Variants in SPTB observed in about 807,000 individuals in gnomAD.
SPTB encodes the protein spectrin beta, erythrocytic, also known as spectrin beta chain, erythrocytic.
In SPTB, 45 loss-of-function variants were observed where a neutral mutation model predicts 256.2. The ratio of observed to expected loss-of-function variants is 0.18; its 90% CI spans 0.14 to 0.23. SPTB has a LOEUF of 0.23. Ranked by LOEUF, SPTB falls within the 10% of genes least tolerant of loss-of-function variation. SPTB has a pLI of 1.00. For synonymous variants in SPTB, 1,231 were observed against 1,243.1 expected (o/e 0.99, Z 0.21); for missense variants, 2,715 against 3,040.4 (o/e 0.89, Z 2.52).
chr14:64,836,355 CAT>C (rs2083521914), intron 1 of SPTB, among the ~76,000 whole-genome samples: 1 of 152,140 alleles, frequency 6.6e-6, no homozygotes, highest in African/African-American at 2.4e-5. Context: ...CCACCTAACA[CAT>C]AAAGCTGCTG....
rs1031447749 is a variant in SPTB, at chr14:64,749,058, A to G, written c.*248T>C. On this transcript the variant is annotated 3_prime_UTR_variant, in exon 36 of 36. Coordinates refer to ENST00000644917, the MANE Select transcript of SPTB (RefSeq NM_001355436.2). This position sits in a 1 kb window ranked among gnomAD's most constrained non-coding sequence, Gnocchi z 4.7. Reference sequence around the variant, plus strand: ...TCCTGCCCCCAGGCCTGGAGGCCCCAAAGGCGCCAGAGGAGCTGGGAGCCC... The same window carrying G: ...TCCTGCCCCCAGGCCTGGAGGCCCCGAAGGCGCCAGAGGAGCTGGGAGCCC... 2 of 422,504 alleles carry G rather than the reference A, an allele frequency of 4.7e-6. No homozygotes were observed. Among genetic ancestry groups the G allele is most frequent in the Non-Finnish European group, 8.5e-6 (2 of 235,792 alleles). The allele number at this position is 422,504 out of a possible 1,614,324, so 26.2% of individuals were successfully genotyped here.
intron 1 of SPTB, among the ~76,000 whole-genome samples, chr14:64,876,912 A>G (rs1004233454): frequency 6.6e-6 from 1 of 152,190 alleles, no homozygotes; most frequent in Non-Finnish European, 1.5e-5. Flanking sequence ...CTCGAGTAAT[A>G]AGAAGTGTGG....
At chr14:64,773,849 T>C (rs1318496614) in intron 24 of SPTB, among the ~76,000 whole-genome samples, 1 of 152,120 alleles carries the variant, frequency 6.6e-6, no homozygotes, top group Non-Finnish European at 1.5e-5. Flanking sequence ...GGGAAACCTC[T>C]GGGGTGGCTG....
Position 64,749,238 on chromosome 14 carries a change from G to C in SPTB, c.*68C>G. 1 of 1,520,452 alleles carries C rather than the reference G, an allele frequency of 6.6e-7. No homozygotes were observed. Among genetic ancestry groups the C allele is most frequent in the Admixed American group, 2.0e-5 (1 of 50,832 alleles). 94.2% of individuals were successfully genotyped at this position (1,520,452 alleles called of 1,614,324 possible). ...ATTCGACCGGCGGGCGGCGGCGAGA[G>C]GAGGCCAAGGCCTGGGCTGCCCGGT... On this transcript the variant is annotated 3_prime_UTR_variant, in exon 36 of 36. Coordinates refer to ENST00000644917, the MANE Select transcript of SPTB (RefSeq NM_001355436.2). This position sits in a 1 kb window ranked among gnomAD's most constrained non-coding sequence, Gnocchi z 4.7.
rs531418741 is a variant in SPTB, at chr14:64,783,523, T to C, written c.4002+724A>G. Among the ~76,000 whole-genome samples the C allele has an allele frequency of 1.4e-4, 22 of 152,268 alleles. No homozygotes were observed. The South Asian group carries it at 4.6e-3, about 32-fold the overall frequency. On this transcript the variant is annotated intron_variant, in intron 19 of 35. Transcript: ENST00000644917. ...GGCCTAATAGTTAATATTTATTGAGTGTCTCATAATTGCCAAGTACTATGC... is the reference window on the plus strand; with the variant it reads ...GGCCTAATAGTTAATATTTATTGAGCGTCTCATAATTGCCAAGTACTATGC...
chr14:64,754,119 G>C (rs2081989880), intron 32 of SPTB: 1 of 449,266 alleles, frequency 2.2e-6, no homozygotes, highest in Non-Finnish European at 4.1e-6. Flanking sequence ...TTTCATTAAA[G>C]GGGTGTGAGG....
rs369224543 is a variant in SPTB, at chr14:64,793,505, C to T, written c.2158G>A (p.Glu720Lys). 4.3e-6 allele frequency: 7 copies of T among 1,614,058 alleles called. No individual in the cohort carries two copies. The African/African-American group carries it at 9.3e-5, about 22-fold the overall frequency. ...AGCTGGTCCCACTGTGCCGACACCT[C>T]CTTTATGCGGGCCTCGATCTGCGGG... ...GHPQIEARIK[E>K]VSAQWDQLKD... Residue 720 changes from glutamate to lysine, a missense_variant, in exon 14 of 36, where the codon GAG becomes AAG. Around this residue, in one of 4 missense-constraint regions of SPTB, gnomAD observed 2,239 missense variants for 2,384.4 expected, o/e 0.94. Coordinates refer to ENST00000644917, the MANE Select transcript of SPTB (RefSeq NM_001355436.2). The surrounding 1 kb of genome is among the most constrained non-coding windows in gnomAD (Gnocchi z 7.0).
At chr14:64,822,236 A>G (rs1358928137) in intron 2 of SPTB, among the ~76,000 whole-genome samples, 1 of 144,622 alleles carries the variant, frequency 6.9e-6, no homozygotes, top group African/African-American at 2.7e-5. Flanking sequence ...AAGTTCAGGG[A>G]GGCAATAGTC....
At position 64,795,464 on chromosome 14, in the gene SPTB, A is replaced by G. The variant is rs377621722; in HGVS notation, c.1517T>C (p.Ile506Thr). Residue 506 changes from isoleucine (I) to threonine (T), a missense_variant, in exon 12 of 36, where the codon ATA (isoleucine) becomes ACA (threonine). Transcript: ENST00000644917. This position sits in a 1 kb window ranked among gnomAD's most constrained non-coding sequence, Gnocchi z 6.5. ...CTGCAGGTAGCTCCATAGGCGCAGT[A>G]TATTGTCCTTGCGGGCCGTGATGCG... ...QKRITARKDN[I>T]LRLWSYLQEL... The G allele has an allele frequency of 4.3e-6, 7 of 1,614,026 alleles. No homozygotes were observed. The highest frequency in any genetic ancestry group is 5.1e-6 in the Non-Finnish European group (6 of 1,180,028).
At chr14:64,765,017 A>AGTGTGTGCGTGTGTGTGT (rs2082145147) in intron 32 of SPTB, among the ~76,000 whole-genome samples, 2 of 108,822 alleles carry the variant, frequency 1.8e-5, no homozygotes, top group Non-Finnish European at 3.5e-5. Context: ...GCCACAGAGG[A>AGTGTGTGCGTGTGTGTGT]GTGTGTGCGT....
At chr14:64,878,146 C>T (rs1882916616) in intron 1 of SPTB, among the ~76,000 whole-genome samples, 1 of 152,216 alleles carries the variant, frequency 6.6e-6, no homozygotes, top group Non-Finnish European at 1.5e-5. Flanking sequence ...AGAGCAACAG[C>T]TAAGGGGTCT....
intron 27 of SPTB, among the ~76,000 whole-genome samples, chr14:64,770,508 G>C (rs1183100802): frequency 6.6e-6 from 1 of 152,182 alleles, no homozygotes; most frequent in East Asian, 1.9e-4. Flanking sequence ...CTGAGTTTTG[G>C]GGGAAGGGCC....
Position 64,782,453 on chromosome 14 carries a change from G to A in SPTB, c.4103C>T (p.Thr1368Ile). Residue 1368 changes from threonine to isoleucine, a missense_variant, in exon 20 of 36, where the codon ACA (threonine) becomes ATA (isoleucine). This residue lies in a region of SPTB where 2,239 missense variants were observed against 2,384.4 expected (regional missense o/e 0.94). Coordinates refer to ENST00000644917, the MANE Select transcript of SPTB (RefSeq NM_001355436.2). ...HRLWDELQAT[T>I]KEKTQHLSAA... ...CGAGAGGTGCTGGGTCTTCTCCTTT[G>A]TGGTGGCCTGCAGCTCGTCCCAGAG... 2.5e-6 allele frequency: 4 copies of A among 1,614,138 alleles called. No individual in the cohort carries two copies. Among genetic ancestry groups the A allele is most frequent in the Non-Finnish European group, 3.4e-6 (4 of 1,180,038 alleles).
At chr14:64,794,862 G>A (rs767287000) in intron 12 of SPTB, among the ~76,000 whole-genome samples, 26 of 152,182 alleles carry the variant, frequency 1.7e-4, no homozygotes, top group Non-Finnish European at 2.9e-4. Context: ...CTACTGCATC[G>A]GTCTCAGGGT....
At position 64,764,595 on chromosome 14, in the gene SPTB, T is replaced by C. The variant is rs2082138809; in HGVS notation, c.6345+2131A>G. On this transcript the variant is annotated intron_variant, in intron 32 of 35. Coordinates refer to ENST00000644917, the MANE Select transcript of SPTB (RefSeq NM_001355436.2). This position sits in a 1 kb window ranked among gnomAD's most constrained non-coding sequence, Gnocchi z 4.2. ...AACCCAGTGACATTCAGGTGTTGGC[T>C]GGAGGCGGCTCTGATGCACAAGTAA... is the stretch of plus-strand genomic sequence containing the variant. 1.3e-5 allele frequency among the ~76,000 whole-genome samples: 2 copies of C among 152,240 alleles called. 1 individual carries two copies. Among genetic ancestry groups the C allele is most frequent in the South Asian group, 4.1e-4 (2 of 4,832 alleles).
intron 33 of SPTB, chr14:64,752,181 A>G: frequency 1.5e-6 from 2 of 1,343,990 alleles, no homozygotes; most frequent in Non-Finnish European, 2.0e-6. Context: ...AACTGATAAC[A>G]GGTGGGCTAG....
At position 64,786,737 on chromosome 14, in the gene SPTB, C is replaced by A. The variant is rs45507992; in HGVS notation, c.3228G>T (p.Trp1076Cys). The part of the protein sequence containing the change: ...FLQDLDDFQA[W>C]LSITQKAVAS... ...CCACAGCCTTCTGGGTGATGGAGAG[C>A]CAGGCCTGGAAGTCATCCAGATCCT... Residue 1076 changes from tryptophan to cysteine, a missense_variant, in exon 16 of 36, where the codon TGG (tryptophan) becomes TGT (cysteine). Coordinates refer to ENST00000644917, the MANE Select transcript of SPTB (RefSeq NM_001355436.2). This position sits in a 1 kb window ranked among gnomAD's most constrained non-coding sequence, Gnocchi z 5.6. 6.9e-5 allele frequency: 112 copies of A among 1,614,134 alleles called. No individual in the cohort carries two copies. The highest frequency in any genetic ancestry group is 1.6e-4 in the Middle Eastern group (1 of 6,062).
chr14:64,785,991 G>A lies in SPTB; in HGVS notation c.3562-40C>T, dbSNP rs373439047. On this transcript the variant is annotated intron_variant, in intron 16 of 35. Transcript: ENST00000644917. The surrounding 1 kb of genome is among the most constrained non-coding windows in gnomAD (Gnocchi z 4.4). ...TTCCAGACAAGGCATGAAGACACAC[G>A]GAGGAGGTGATGAGCACACCTCCCA... The A allele has an allele frequency of 2.9e-5, 47 of 1,605,802 alleles. No homozygotes were observed. Among genetic ancestry groups the A allele is most frequent in the African/African-American group, 1.3e-4 (10 of 74,738 alleles).
chr14:64,775,497 C>T lies in SPTB; in HGVS notation c.4564-94G>A. ...CAGCACAGCTCTGACACCCTTGGTCCCTCTCACCCCCGTTGCTAGAGCAGA... is the reference window on the plus strand; with the variant it reads ...CAGCACAGCTCTGACACCCTTGGTCTCTCTCACCCCCGTTGCTAGAGCAGA... On this transcript the variant is annotated intron_variant, in intron 22 of 35. Coordinates refer to ENST00000644917, the MANE Select transcript of SPTB (RefSeq NM_001355436.2). The surrounding 1 kb of genome is among the most constrained non-coding windows in gnomAD (Gnocchi z 5.0). 1 of 1,472,882 alleles carries T rather than the reference C, an allele frequency of 6.8e-7. No homozygotes were observed. The highest frequency in any genetic ancestry group is 9.1e-7 in the Non-Finnish European group (1 of 1,094,194). 91.2% of individuals were successfully genotyped at this position (1,472,882 alleles called of 1,614,324 possible). A position where few individuals can be genotyped will look rare whatever the true frequency, so the allele number is the denominator to read the frequency against.
Sources: gnomAD v4.1 joint callset for allele counts (sites outside exome capture counted in the v4.1 genomes callset) on GRCh38, gnomAD v4.1.1 for gene constraint, gnomAD v4.1.1 regional missense constraint, Gnocchi (gnomAD v3.1) non-coding constraint, MANE v1.5 for transcripts, NCBI Gene and HGNC (gene_info 2026-07-23, HGNC 2026-07-21) for gene names.